Variants in C1orf159 observed in about 807,000 individuals in gnomAD.
C1orf159 encodes chromosome 1 open reading frame 159, also known as uncharacterized protein C1orf159.
Under a neutral mutation model 25.6 loss-of-function variants are expected in C1orf159, and 19 were observed. The observed-to-expected ratio is 0.74, with a 90% confidence interval of 0.52 to 1.09. C1orf159 has a LOEUF of 1.09. Ranked by LOEUF, C1orf159 falls within the 50% of genes least tolerant of loss-of-function variation. The probability of loss-of-function intolerance (pLI) is 0.00; values close to 1 mark genes in which losing one functional copy is unlikely to be tolerated. For missense variants in C1orf159, 274 were observed against 290.6 expected, an observed-to-expected ratio of 0.94 and a Z score of 0.42; for synonymous variants, 139 against 124.7, an observed-to-expected ratio of 1.12 and a Z score of -0.77.
chr1:1,090,688 C>T lies in C1orf159; in HGVS notation c.73-260G>A, dbSNP rs548757905. The T allele has an allele frequency of 1.1e-4, 78 of 706,196 alleles. 1 individual carries two copies. Among genetic ancestry groups the T allele is most frequent in the East Asian group, 7.5e-4 (28 of 37,140 alleles). The allele number at this position is 706,196 out of a possible 1,614,324, so 43.7% of individuals were successfully genotyped here. On this transcript the variant is annotated intron_variant, in intron 3 of 9. Coordinates refer to ENST00000421241, the MANE Select transcript of C1orf159 (RefSeq NM_017891.5). ...GCTGGGCCTGGAAGAGTAAACCACC[C>T]CCAGGAGGCGGCACCCGCAGGCCAT...
intron 1 of C1orf159, among the ~76,000 whole-genome samples, chr1:1,099,703 TGGAGAGA>T (rs1191011278): frequency 6.0e-5 from 5 of 83,512 alleles, no homozygotes; most frequent in African/African-American, 4.1e-4. Flanking sequence ...TTCTAAGAAT[TGGAGAGA>T]GAGAGAGGTT....
At chr1:1,107,766 C>T (rs539686685) in intron 1 of C1orf159, among the ~76,000 whole-genome samples, 1 of 152,244 alleles carries the variant, frequency 6.6e-6, no homozygotes, top group East Asian at 1.9e-4. Context: ...ACTATGGAAG[C>T]TTTGTTCTTT....
intron 1 of C1orf159, among the ~76,000 whole-genome samples, chr1:1,101,285 C>T (rs985865242): frequency 1.3e-5 from 2 of 152,074 alleles, no homozygotes; most frequent in Admixed American, 6.6e-5. Flanking sequence ...GAGTTTGATG[C>T]CACCCTGGCC....
chr1:1,105,605 C>T (rs6697379), intron 1 of C1orf159, among the ~76,000 whole-genome samples: 38 of 151,800 alleles, frequency 2.5e-4, no homozygotes, highest in Non-Finnish European at 4.9e-4. Flanking sequence ...GTGTGGACCA[C>T]GCATGGTGGC....
intron 7 of C1orf159, chr1:1,085,299 CG>C: frequency 4.7e-6 from 2 of 428,828 alleles, no homozygotes; most frequent in South Asian, 1.6e-5. Context: ...AGGGACCCTG[CG>C]GGGGCCGGCC....
chr1:1,101,951 A>G (rs1271841633), intron 1 of C1orf159, among the ~76,000 whole-genome samples: 1 of 151,636 alleles, frequency 6.6e-6, no homozygotes, highest in Non-Finnish European at 1.5e-5. Flanking sequence ...ACGGGCATAT[A>G]GTCCCAGCTA....
intron 6 of C1orf159, among the ~76,000 whole-genome samples, chr1:1,086,903 C>T (rs1014887054): frequency 6.6e-6 from 1 of 152,190 alleles, no homozygotes. Flanking sequence ...GTGTGGCCAT[C>T]AGGGCCTCCC....
intron 1 of C1orf159, among the ~76,000 whole-genome samples, chr1:1,115,692 G>A (rs1460808232): frequency 1.4e-5 from 1 of 71,426 alleles, no homozygotes; most frequent in African/African-American, 6.0e-5. Context: ...CCTCCCCAGG[G>A]ACCCCCCCTC....
intron 9 of C1orf159, chr1:1,083,331 C>T (rs1454370858): frequency 7.5e-6 from 2 of 266,376 alleles, no homozygotes; most frequent in Non-Finnish European, 7.1e-6. Context: ...CCCAAGACCT[C>T]GAATGTGACC....
In C1orf159 at chr1:1,091,109, A is replaced by G. The variant is rs750429188; in HGVS notation, c.72+363T>C. The G allele has an allele frequency of 1.8e-5, 13 of 729,414 alleles. No homozygotes were observed. In the African/African-American group the frequency reaches 2.1e-4, roughly 12 times the overall value. The allele number at this position is 729,414 out of a possible 1,614,324, so 45.2% of individuals were successfully genotyped here. ...CCAGCCAGGACAGTGAGGGGTCCCC[A>G]CCCTCCACCCGCTCCGCCTGGGAGT... On this transcript the variant is annotated intron_variant, in intron 3 of 9. Coordinates refer to ENST00000421241, the MANE Select transcript of C1orf159 (RefSeq NM_017891.5).
chr1:1,097,034 T>C (rs1183343372), intron 1 of C1orf159, among the ~76,000 whole-genome samples: 2 of 152,008 alleles, frequency 1.3e-5, no homozygotes, highest in Non-Finnish European at 2.9e-5. Context: ...CCACCAGAGA[T>C]GGCAATAGTC....
intron 1 of C1orf159, among the ~76,000 whole-genome samples, chr1:1,104,983 G>A (rs777374145): frequency 3.3e-5 from 5 of 152,154 alleles, no homozygotes; most frequent in Non-Finnish European, 7.3e-5. Context: ...CAGACACCAC[G>A]CGAAGGGATT....
intron 1 of C1orf159, among the ~76,000 whole-genome samples, chr1:1,099,088 A>G (rs1473971381): frequency 6.6e-6 from 1 of 152,152 alleles, no homozygotes; most frequent in Non-Finnish European, 1.5e-5. Flanking sequence ...CTATTCTAAG[A>G]ATCGGAGAGA....
intron 1 of C1orf159, among the ~76,000 whole-genome samples, chr1:1,101,206 G>A (rs796871584): frequency 4.7e-4 from 71 of 152,014 alleles, no homozygotes; most frequent in African/African-American, 1.4e-3. Flanking sequence ...AAACTTGGTC[G>A]GGCGTGGCAG....
intron 7 of C1orf159, chr1:1,085,438 G>A (rs1410634674): frequency 7.6e-5 from 22 of 288,184 alleles, no homozygotes; most frequent in South Asian, 5.9e-4. Context: ...CCGTGTGTAC[G>A]GCGTGGCGTA....
At chr1:1,114,320 G>C (rs1015946084) in intron 1 of C1orf159, among the ~76,000 whole-genome samples, 1 of 152,160 alleles carries the variant, frequency 6.6e-6, no homozygotes, top group African/African-American at 2.4e-5. Flanking sequence ...ACGGGCCACA[G>C]GTGCTTGCCC....
rs368988885 is a variant in C1orf159 at position 1,082,133 on chromosome 1, G to C, written c.*760C>G. 1 of 152,610 alleles carries C rather than the reference G, an allele frequency of 6.6e-6. No homozygotes were observed. Among genetic ancestry groups the C allele is most frequent in the African/African-American group, 2.4e-5 (1 of 41,474 alleles). The allele number at this position is 152,610 out of a possible 1,614,324, so 9.5% of individuals were successfully genotyped here. A position where few individuals can be genotyped will look rare whatever the true frequency, so the allele number is the denominator to read the frequency against. ...CAGCCTTGGCAGGTGCAGTGAGGCA[G>C]TGACTTGTGGGGGTTAGATGTGGGC... is the stretch of plus-strand genomic sequence containing the variant. On this transcript the variant is annotated 3_prime_UTR_variant, in exon 10 of 10. Transcript: ENST00000421241.
At chr1:1,101,545 T>C (rs1646100490) in intron 1 of C1orf159, among the ~76,000 whole-genome samples, 1 of 152,114 alleles carries the variant, frequency 6.6e-6, no homozygotes, top group Admixed American at 6.6e-5. Context: ...CAGCTCAGGG[T>C]CTGTCAGCTC....
At chr1:1,096,605 C>A (rs1235533375) in intron 1 of C1orf159, among the ~76,000 whole-genome samples, 1 of 152,246 alleles carries the variant, frequency 6.6e-6, no homozygotes, top group Non-Finnish European at 1.5e-5. Flanking sequence ...GTAATTAATT[C>A]AATTTCCTGA....
Sources: allele counts gnomAD v4.1 joint callset (sites outside exome capture counted in the v4.1 genomes callset), GRCh38; gene constraint gnomAD v4.1.1; transcripts MANE v1.5; gene names NCBI Gene and HGNC (gene_info 2026-07-23, HGNC 2026-07-21).